The following GPATCH2 variants were observed in gnomAD, a reference collection of about 807,000 sequenced individuals.
The protein encoded by GPATCH2 is G patch domain-containing protein 2.
In GPATCH2, 51 loss-of-function variants were observed where a neutral mutation model predicts 58.0. The observed-to-expected ratio is 0.88, with a 90% CI of 0.70 to 1.11. The LOEUF is 1.11. Ranked by LOEUF, GPATCH2 falls within the 50% of genes most tolerant of loss-of-function variation. The probability of loss-of-function intolerance (pLI) is 0.00; values close to 1 mark genes in which losing one functional copy is unlikely to be tolerated. For synonymous variants in GPATCH2, 222 were observed against 218.5 expected (o/e 1.02, Z -0.14); for missense variants, 625 against 652.2 (o/e 0.96, Z 0.45).
intron 8 of GPATCH2, among the ~76,000 whole-genome samples, chr1:217,476,939 A>G (rs1283336545): frequency 6.6e-6 from 1 of 152,052 alleles, no homozygotes; most frequent in Non-Finnish European, 1.5e-5. Flanking sequence ...TCCTAACTCC[A>G]AGCCGCACAA....
intron 3 of GPATCH2, among the ~76,000 whole-genome samples, chr1:217,612,905 A>G (rs1571654428): frequency 1.3e-5 from 2 of 152,284 alleles, no homozygotes; most frequent in Admixed American, 1.3e-4. Context: ...TTAATTAAAA[A>G]CTTAAATGCA....
intron 9 of GPATCH2, among the ~76,000 whole-genome samples, chr1:217,433,030 C>T (rs543156564): frequency 3.9e-5 from 6 of 152,202 alleles, no homozygotes; most frequent in South Asian, 2.1e-4. Context: ...CCACTTACTT[C>T]TCTCAAAGTT....
chr1:217,489,138 T>C (rs1388125297), intron 8 of GPATCH2, among the ~76,000 whole-genome samples: 1 of 151,578 alleles, frequency 6.6e-6, no homozygotes, highest in African/African-American at 2.4e-5. Context: ...GGTATCACTA[T>C]TTTGCCCAGG....
chr1:217,608,188 C>A, intron 5 of GPATCH2: 1 of 781,460 alleles, frequency 1.3e-6, no homozygotes, highest in Non-Finnish European at 1.6e-6. Flanking sequence ...GAACTCTTAC[C>A]TTTCTTGCCC....
At chr1:217,432,164 C>G (rs752313389) in intron 9 of GPATCH2, among the ~76,000 whole-genome samples, 10 of 152,006 alleles carry the variant, frequency 6.6e-5, no homozygotes, top group Non-Finnish European at 1.3e-4. Context: ...CTCCCTCCTT[C>G]CCTCCTTCCC....
chr1:217,527,377 G>A (rs1387696956), intron 5 of GPATCH2, among the ~76,000 whole-genome samples: 1 of 152,128 alleles, frequency 6.6e-6, no homozygotes, highest in Non-Finnish European at 1.5e-5. Flanking sequence ...GTCACCAGGT[G>A]AAGCTTCTAA....
At chr1:217,488,019 C>G (rs970458793) in intron 8 of GPATCH2, among the ~76,000 whole-genome samples, 1 of 151,900 alleles carries the variant, frequency 6.6e-6, no homozygotes, top group Admixed American at 6.6e-5. Context: ...GGATTACAGG[C>G]GTGAGCCACC....
chr1:217,498,650 A>G (rs375037819), intron 6 of GPATCH2: 4 of 571,280 alleles, frequency 7.0e-6, no homozygotes, highest in Non-Finnish European at 3.1e-6. Context: ...TTATGTTAAC[A>G]TAAACTGCTG....
chr1:217,516,800 G>A (rs757962732), intron 5 of GPATCH2, among the ~76,000 whole-genome samples: 1 of 152,080 alleles, frequency 6.6e-6, no homozygotes, highest in Non-Finnish European at 1.5e-5. Context: ...TTTTATCTCA[G>A]AGAAAAAATA....
Position 217,428,807 on chromosome 1 carries a change from CA to C in GPATCH2, c.*2337del, listed in dbSNP as rs1658412436. ...TTAGAGAAGCTAAGTTAACATCCCACAGAAGTTGCTTCAGAAGATTTGTACC... is the reference window on the plus strand; with the variant it reads ...TTAGAGAAGCTAAGTTAACATCCCACGAAGTTGCTTCAGAAGATTTGTACC... On this transcript the variant is annotated 3_prime_UTR_variant, in exon 10 of 10. Transcript: ENST00000366935. 6.6e-6 allele frequency: 1 copy of C among 152,158 alleles called. No homozygotes were observed. The highest frequency in any genetic ancestry group is 6.5e-5 in the Admixed American group (1 of 15,284). 9.4% of individuals were successfully genotyped at this position (152,158 alleles called of 1,614,324 possible).
At chr1:217,454,537 C>T (rs542639989) in intron 8 of GPATCH2, among the ~76,000 whole-genome samples, 8 of 128,732 alleles carry the variant, frequency 6.2e-5, no homozygotes, top group Admixed American at 6.0e-4. Context: ...TGCAGTGAGT[C>T]GAGATCGCGC....
chr1:217,558,209 T>C (rs892319186), intron 5 of GPATCH2, among the ~76,000 whole-genome samples: 10 of 152,194 alleles, frequency 6.6e-5, no homozygotes, highest in Non-Finnish European at 8.8e-5. Context: ...CTGAGGCTAA[T>C]GTCACCTCAT....
intron 5 of GPATCH2, among the ~76,000 whole-genome samples, chr1:217,515,238 G>T (rs1185124797): frequency 1.3e-5 from 2 of 151,928 alleles, no homozygotes; most frequent in African/African-American, 4.8e-5. Flanking sequence ...TGGGACTACA[G>T]GCACCCGCCA....
intron 5 of GPATCH2, among the ~76,000 whole-genome samples, chr1:217,525,440 C>T (rs1178271450): frequency 6.6e-6 from 1 of 152,040 alleles, no homozygotes; most frequent in Non-Finnish European, 1.5e-5. Context: ...AAGTAATGTT[C>T]AACTATTTTA....
Position 217,459,909 on chromosome 1 carries a change from G to A in GPATCH2, c.1278-10572C>T, listed in dbSNP as rs1057449919. 1.3e-4 allele frequency among the ~76,000 whole-genome samples: 20 copies of A among 152,000 alleles called. 1 individual carries two copies. Among genetic ancestry groups the A allele is most frequent in the Non-Finnish European group, 2.4e-4 (16 of 68,004 alleles). On this transcript the variant is annotated intron_variant, in intron 8 of 9. Coordinates refer to ENST00000366935, the MANE Select transcript of GPATCH2 (RefSeq NM_018040.5). ...GACTCTAAGCCAAGCTCTAAGTTCC[G>A]TTCTGAGGTAGCATGTTAGGACAGA...
chr1:217,450,068 A>G (rs1156554604), intron 8 of GPATCH2, among the ~76,000 whole-genome samples: 1 of 152,164 alleles, frequency 6.6e-6, no homozygotes, highest in Non-Finnish European at 1.5e-5. Flanking sequence ...ATATAAAAAA[A>G]TAAGAAATGG....
At chr1:217,565,441 A>G (rs1408175581) in intron 5 of GPATCH2, among the ~76,000 whole-genome samples, 3 of 152,212 alleles carry the variant, frequency 2.0e-5, no homozygotes, top group Admixed American at 6.5e-5. Context: ...TGAAAAGAAA[A>G]ACAATACTTT....
chr1:217,519,678 T>C (rs1005708742), intron 5 of GPATCH2, among the ~76,000 whole-genome samples: 1 of 152,188 alleles, frequency 6.6e-6, no homozygotes, highest in Non-Finnish European at 1.5e-5. Context: ...AAAATGAAAA[T>C]TAATGAGATA....
At chr1:217,608,072 T>C (rs1221458571) in intron 5 of GPATCH2, 1 of 159,184 alleles carries the variant, frequency 6.3e-6, no homozygotes, top group African/African-American at 2.4e-5. Context: ...GAGATTATGA[T>C]TTTTAAAACT....
Sources: gnomAD v4.1 joint callset for allele counts (sites outside exome capture counted in the v4.1 genomes callset) on GRCh38, gnomAD v4.1.1 for gene constraint, MANE v1.5 for transcripts, NCBI Gene and HGNC (gene_info 2026-07-23, HGNC 2026-07-21) for gene names.